Variants in ABCC1 observed in about 807,000 individuals in gnomAD.
The protein encoded by ABCC1 is multidrug resistance-associated protein 1.
A neutral mutation model predicts 172.9 loss-of-function variants in ABCC1; 83 were observed. The ratio of observed to expected loss-of-function variants is 0.48; its 90% CI spans 0.40 to 0.58. ABCC1 has a LOEUF of 0.58. ABCC1 is among the 20% of genes least tolerant of loss of function. The pLI, the probability that ABCC1 is intolerant of heterozygous loss-of-function variation, is 0.00. For missense variants in ABCC1, 1,817 were observed against 2,002.7 expected (o/e 0.91, Z 1.77); for synonymous variants, 937 against 825.2 (o/e 1.14, Z -2.32).
chr16:16,122,262 C>A, intron 24 of ABCC1, 88 bp downstream of exon 24: 1 of 1,465,694 alleles, frequency 6.8e-7, no homozygotes, highest in Non-Finnish European at 9.4e-7. Context: ...GCACCTTGAG[C>A]TGGGTATAAA....
chr16:16,131,089 C>G (rs1490895408), intron 26 of ABCC1, among the ~76,000 whole-genome samples: 2 of 152,072 alleles, frequency 1.3e-5, no homozygotes, highest in Non-Finnish European at 2.9e-5. Flanking sequence ...CCATTGCACT[C>G]CAGCCTGGGC....
chr16:16,047,576 A>G (rs997590657), intron 9 of ABCC1, among the ~76,000 whole-genome samples: 1 of 152,094 alleles, frequency 6.6e-6, no homozygotes, highest in African/African-American at 2.4e-5. Context: ...GGTTGTCCCA[A>G]CTGGGGGCGA....
At chr16:15,974,768 A>G (rs540046717) in intron 1 of ABCC1, among the ~76,000 whole-genome samples, 1 of 152,230 alleles carries the variant, frequency 6.6e-6, no homozygotes, top group African/African-American at 2.4e-5. Context: ...ATGCAGTATA[A>G]TAATAGCTTC....
At chr16:16,136,030 A>G (rs2045902445) in intron 28 of ABCC1, among the ~76,000 whole-genome samples, 1 of 140,004 alleles carries the variant, frequency 7.1e-6, no homozygotes, top group African/African-American at 2.7e-5. Flanking sequence ...TTTTTTTTCC[A>G]TTATTAAGGC....
intron 17 of ABCC1, among the ~76,000 whole-genome samples, 166 bp from the exon 18 acceptor site, chr16:16,086,658 A>G (rs543174761): frequency 1.3e-5 from 2 of 152,206 alleles, no homozygotes; most frequent in East Asian, 3.9e-4. Flanking sequence ...TTGTAGAGAC[A>G]GGGTCTCCCT....
rs528082787 is a variant in ABCC1, at chr16:16,057,222, G to A, written c.1677+927G>A. On this transcript the variant is annotated intron_variant, in intron 12 of 30. Transcript: ENST00000399410. ...AAGAAAGAAAAAAAAAGCTGGGCAT[G>A]GTGGTGCATGCCTATATTCCCAGCT... Among the ~76,000 whole-genome samples, 287 of 150,924 alleles carry A rather than the reference G, an allele frequency of 1.9e-3. 1 individual carries two copies. The highest frequency in any genetic ancestry group is 6.7e-3 in the African/African-American group (275 of 41,174).
chr16:16,105,182 TCA>T (rs1291623481), intron 20 of ABCC1, among the ~76,000 whole-genome samples: 1 of 152,254 alleles, frequency 6.6e-6, no homozygotes, highest in African/African-American at 2.4e-5. Context: ...CAGCACGCTG[TCA>T]CTTCTCAATC....
rs1262115115 is a variant in ABCC1 at position 15,999,764 on chromosome 16, C to CCTCTTT, written c.49-8047_49-8042dup. Among the ~76,000 whole-genome samples, 11 of 30,792 alleles carry CCTCTTT rather than the reference C, an allele frequency of 3.6e-4. 1 individual carries two copies. Among genetic ancestry groups the CCTCTTT allele is most frequent in the African/African-American group, 1.3e-3 (11 of 8,740 alleles). 20.2% of individuals were successfully genotyped at this position (30,792 alleles called of 152,430 possible). A position where few individuals can be genotyped will look rare whatever the true frequency, so the allele number is the denominator to read the frequency against. On this transcript the variant is annotated intron_variant, in intron 1 of 30. Transcript: ENST00000399410. ...TAAATGTGTGAGCCTCTGTGCCCGG[C>CCTCTTT]CTCTTTCTCTCTCTCTCTCTCTCTC...
intron 27 of ABCC1, among the ~76,000 whole-genome samples, 184 bp from the exon 28 acceptor site, chr16:16,134,163 CCTT>C (rs2045820508): frequency 6.6e-6 from 1 of 152,120 alleles, no homozygotes; most frequent in South Asian, 2.1e-4. Flanking sequence ...GGAAGAGAGT[CCTT>C]CTTGACCTTC....
intron 14 of ABCC1, among the ~76,000 whole-genome samples, chr16:16,073,894 C>T (rs572683196): frequency 3.3e-5 from 5 of 152,332 alleles, no homozygotes; most frequent in African/African-American, 9.6e-5. Context: ...TGTGTGTAAA[C>T]GTCGGTTATA....
At chr16:15,992,301 T>TAA (rs2046894928) in intron 1 of ABCC1, among the ~76,000 whole-genome samples, 1 of 152,092 alleles carries the variant, frequency 6.6e-6, no homozygotes, top group Non-Finnish European at 1.5e-5. Context: ...ATCATAGAAA[T>TAA]AAAGTGCACA....
chr16:15,989,068 C>CAAAAAAAAAAAAAAAA, intron 1 of ABCC1, among the ~76,000 whole-genome samples: 1 of 76,682 alleles, frequency 1.3e-5, no homozygotes, highest in Non-Finnish European at 2.5e-5. Flanking sequence ...GACTCTGTCT[C>CAAAAAAAAAAAAAAAA]AAAAAAAAAA....
intron 9 of ABCC1, among the ~76,000 whole-genome samples, chr16:16,046,674 G>A (rs1414173120): frequency 6.6e-6 from 1 of 152,142 alleles, no homozygotes; most frequent in Non-Finnish European, 1.5e-5. Flanking sequence ...AACTGAGCAG[G>A]TGGCACATTC....
In ABCC1 at chr16:16,071,823, T is replaced by C. The variant is rs897835055; in HGVS notation, c.1912+94T>C. ...TTGCATTTCTTTCCCTTGGCTGCCC[T>C]CAGGTTTGACTCTGCCCAGCCGCTT... is the stretch of plus-strand genomic sequence containing the variant. On this transcript the variant is annotated intron_variant, in intron 14 of 30. Coordinates refer to ENST00000399410, the MANE Select transcript of ABCC1 (RefSeq NM_004996.4). 2.0e-5 allele frequency: 24 copies of C among 1,188,718 alleles called. No individual in the cohort carries two copies. The Middle Eastern group carries it at 9.1e-4, about 45-fold the overall frequency. 73.6% of individuals were successfully genotyped at this position (1,188,718 alleles called of 1,614,324 possible). A position where few individuals can be genotyped will look rare whatever the true frequency, so the allele number is the denominator to read the frequency against.
intron 21 of ABCC1, among the ~76,000 whole-genome samples, chr16:16,110,214 C>T (rs1157466279): frequency 6.6e-6 from 1 of 151,804 alleles, no homozygotes; most frequent in Non-Finnish European, 1.5e-5. Context: ...GACCCTTGTG[C>T]CTCAGCCTAC....
intron 9 of ABCC1, among the ~76,000 whole-genome samples, chr16:16,047,060 T>G (rs1340066607): frequency 6.6e-6 from 1 of 152,090 alleles, no homozygotes; most frequent in Non-Finnish European, 1.5e-5. Flanking sequence ...TAGCCAGGTA[T>G]GGTGGTGCGT....
rs1341653115 is a variant in ABCC1 at position 16,076,388 on chromosome 16, C to T, written c.1975C>T (p.Pro659Ser). The T allele has an allele frequency of 6.2e-7, 1 of 1,609,464 alleles. No individual in the cohort carries two copies. The highest frequency in any genetic ancestry group is 8.5e-7 in the Non-Finnish European group (1 of 1,178,122). ...ATTCACCTGGGCCAGGAGCGACCCT[C>T]CCACACTGAATGGGTAAGCCGGGAC... ...ATFTWARSDP[P>S]TLNGITFSIP... is the part of the protein sequence containing the mutation. Residue 659 changes from proline (P) to serine (S), a missense_variant, in exon 15 of 31, where the codon CCC becomes TCC. By Grantham distance (74) the Pro-to-Ser change is moderately conservative. This residue lies in a region of ABCC1 where 1,412 missense variants were observed against 1,600.3 expected (regional missense o/e 0.88). Coordinates refer to ENST00000399410, the MANE Select transcript of ABCC1 (RefSeq NM_004996.4).
At chr16:15,987,085 A>G (rs1473260454) in intron 1 of ABCC1, among the ~76,000 whole-genome samples, 1 of 152,152 alleles carries the variant, frequency 6.6e-6, no homozygotes, top group Non-Finnish European at 1.5e-5. Flanking sequence ...GGATCACTTG[A>G]GCCCAGAAGG....
chr16:16,129,245 A>T (rs565303000), intron 26 of ABCC1, among the ~76,000 whole-genome samples: 1 of 152,320 alleles, frequency 6.6e-6, no homozygotes, highest in South Asian at 2.1e-4. Context: ...ATCTGTGTAT[A>T]GTAACAGTCA....
Sources: allele counts gnomAD v4.1 joint callset (sites outside exome capture counted in the v4.1 genomes callset), GRCh38; gene constraint gnomAD v4.1.1; regional missense constraint gnomAD v4.1.1; transcripts MANE v1.5; gene names NCBI Gene and HGNC (gene_info 2026-07-23, HGNC 2026-07-21).